Variants in ASIC2 observed in about 807,000 individuals in gnomAD.
ASIC2 encodes acid sensing ion channel subunit 2.
Under a neutral mutation model 57.3 loss-of-function variants are expected in ASIC2, and 25 were observed. The ratio of observed to expected loss-of-function variants is 0.44; its 90% confidence interval spans 0.32 to 0.61. The LOEUF (loss-of-function observed/expected upper bound fraction) is 0.61. Ranked by LOEUF, ASIC2 falls within the 20% of genes least tolerant of loss-of-function variation. The pLI is 0.06. For synonymous variants in ASIC2, 319 were observed against 307.5 expected (o/e 1.04, Z -0.39); for missense variants, 641 against 738.1 (o/e 0.87, Z 1.52).
chr17:33,149,227 A>T (rs907686290), intron 1 of ASIC2, among the ~76,000 whole-genome samples: 1 of 152,224 alleles, frequency 6.6e-6, no homozygotes, highest in Non-Finnish European at 1.5e-5. Context: ...ACAAAAAATT[A>T]TTGTAATCCC....
intron 1 of ASIC2, among the ~76,000 whole-genome samples, chr17:33,275,163 G>C (rs1166928847): frequency 6.6e-6 from 1 of 152,052 alleles, no homozygotes; most frequent in Non-Finnish European, 1.5e-5. Flanking sequence ...CTGTCCCTGC[G>C]GCACTCCTGC....
intron 1 of ASIC2, among the ~76,000 whole-genome samples, chr17:33,327,888 G>T (rs1048796839): frequency 1.3e-5 from 2 of 152,204 alleles, no homozygotes; most frequent in Non-Finnish European, 2.9e-5. Context: ...TAAGTGGAGA[G>T]AGGCTTGGAG....
chr17:33,321,281 T>G (rs1458352902), intron 1 of ASIC2, among the ~76,000 whole-genome samples: 1 of 152,234 alleles, frequency 6.6e-6, no homozygotes, highest in Non-Finnish European at 1.5e-5. Flanking sequence ...GATTAGTTTT[T>G]GCTGCAGAGC....
At chr17:33,252,440 T>C (rs1908916579) in intron 1 of ASIC2, among the ~76,000 whole-genome samples, 9 of 152,164 alleles carry the variant, frequency 5.9e-5, no homozygotes, top group Admixed American at 5.9e-4. Context: ...CCTCTCTGGA[T>C]GTGTTGACAC....
Position 33,341,438 on chromosome 17 carries a change from T to C in ASIC2, c.556-229371A>G, listed in dbSNP as rs76659787. On this transcript the variant is annotated intron_variant, in intron 1 of 9. Transcript: ENST00000359872. Reference sequence around the variant, plus strand: ...AGTTGGCAAACCGTGACTGTTTTTGTAAATAACATTTTACTGGAACACAGC... The same window carrying C: ...AGTTGGCAAACCGTGACTGTTTTTGCAAATAACATTTTACTGGAACACAGC... 8.1e-4 allele frequency among the ~76,000 whole-genome samples: 124 copies of C among 152,290 alleles called. No homozygotes were observed. The East Asian group carries it at 0.022, about 26-fold the overall frequency.
chr17:33,102,823 G>A (rs563236574), intron 2 of ASIC2, among the ~76,000 whole-genome samples: 8 of 151,550 alleles, frequency 5.3e-5, no homozygotes, highest in Admixed American at 1.3e-4. Flanking sequence ...TCGCTCTGTC[G>A]CCCAGGCTGG....
At chr17:33,591,753 G>A (rs1249451671) in intron 1 of ASIC2, among the ~76,000 whole-genome samples, 3 of 152,168 alleles carry the variant, frequency 2.0e-5, no homozygotes, top group Non-Finnish European at 4.4e-5. Context: ...GATGCTATTT[G>A]TACATATTGA....
chr17:33,216,502 T>A (rs923287899), intron 1 of ASIC2, among the ~76,000 whole-genome samples: 1 of 152,152 alleles, frequency 6.6e-6, no homozygotes, highest in Non-Finnish European at 1.5e-5. Context: ...TAAGATGTCC[T>A]GAATGACGAG....
chr17:33,207,801 T>C (rs1352331954), intron 1 of ASIC2, among the ~76,000 whole-genome samples: 1 of 152,176 alleles, frequency 6.6e-6, no homozygotes, highest in Non-Finnish European at 1.5e-5. Flanking sequence ...AAAGACTCCA[T>C]CACCCTTCAG....
In ASIC2 at chr17:33,865,622, T is replaced by C. The variant is rs369883480; in HGVS notation, c.555+290356A>G. Among the ~76,000 whole-genome samples the C allele has an allele frequency of 1.8e-4, 28 of 152,248 alleles. No homozygotes were observed. The South Asian group carries it at 5.8e-3, about 32-fold the overall frequency. ...TTTCTAAAAAACGTTTGTTTTTTGA[T>C]AGCATTGGGAGATATACCTAATGCT... On this transcript the variant is annotated intron_variant, in intron 1 of 9. Coordinates refer to the ASIC2 transcript ENST00000359872.
intron 1 of ASIC2, among the ~76,000 whole-genome samples, chr17:33,155,305 A>G (rs1044623945): frequency 6.6e-6 from 1 of 152,258 alleles, no homozygotes; most frequent in African/African-American, 2.4e-5. Context: ...GCTGGCAGCA[A>G]GGGTTCCTGA....
intron 1 of ASIC2, among the ~76,000 whole-genome samples, chr17:33,962,512 T>C (rs1904956676): frequency 2.6e-5 from 4 of 152,196 alleles, no homozygotes; most frequent in Admixed American, 2.0e-4. Flanking sequence ...TTCTAATGCC[T>C]TGTAAACTGC....
intron 1 of ASIC2, among the ~76,000 whole-genome samples, chr17:33,506,238 CAAAAAAAA>C (rs533194191): frequency 2.6e-5 from 3 of 114,138 alleles, no homozygotes; most frequent in African/African-American, 9.5e-5. Flanking sequence ...ACTAAAAATA[CAAAAAAAA>C]AAAAAAAAAA....
At chr17:33,248,014 A>G (rs1358542940) in intron 1 of ASIC2, among the ~76,000 whole-genome samples, 1 of 152,234 alleles carries the variant, frequency 6.6e-6, no homozygotes. Context: ...AGGTGATAGA[A>G]GACTATGAAA....
chr17:33,289,514 G>A (rs1413216012), intron 1 of ASIC2, among the ~76,000 whole-genome samples: 3 of 152,156 alleles, frequency 2.0e-5, no homozygotes, highest in African/African-American at 7.2e-5. Flanking sequence ...GTGGGGGAGA[G>A]GGCAAGAGTC....
intron 3 of ASIC2, among the ~76,000 whole-genome samples, chr17:33,033,192 T>C (rs1057342941): frequency 2.0e-5 from 3 of 152,202 alleles, no homozygotes; most frequent in African/African-American, 7.2e-5. Context: ...CTGACCCTTC[T>C]GAGTTAAGAC....
intron 1 of ASIC2, among the ~76,000 whole-genome samples, chr17:33,587,972 T>C (rs928810841): frequency 3.4e-4 from 51 of 152,182 alleles, no homozygotes; most frequent in African/African-American, 1.2e-3. Flanking sequence ...ATTCAGATTT[T>C]CCTAAGAGGA....
At chr17:33,642,000 G>A (rs551472165) in intron 1 of ASIC2, among the ~76,000 whole-genome samples, 1 of 152,056 alleles carries the variant, frequency 6.6e-6, no homozygotes, top group Admixed American at 6.5e-5. Context: ...CATAGTAAGT[G>A]TATATATTTA....
chr17:33,033,160 C>G (rs1239040635), intron 3 of ASIC2, among the ~76,000 whole-genome samples: 1 of 152,186 alleles, frequency 6.6e-6, no homozygotes, highest in Non-Finnish European at 1.5e-5. Flanking sequence ...GGGCTGCACA[C>G]TCCGTAGAGC....
Sources: gnomAD v4.1 joint callset for allele counts (sites outside exome capture counted in the v4.1 genomes callset) on GRCh38, gnomAD v4.1.1 for gene constraint, MANE v1.5 for transcripts, NCBI Gene and HGNC (gene_info 2026-07-23, HGNC 2026-07-21) for gene names.